ZNF532: variants seen among roughly 807,000 people sequenced by gnomAD.
The protein encoded by ZNF532 is zinc finger protein 532.
In ZNF532, 22 loss-of-function variants were observed where a neutral mutation model predicts 89.3. That is an observed-to-expected ratio of 0.25 (90% CI 0.18 to 0.35). The LOEUF (loss-of-function observed/expected upper bound fraction) is 0.35. Among genes scored for constraint, ZNF532 ranks in the 10% least tolerant of loss-of-function variants. The pLI, the probability that ZNF532 is intolerant of heterozygous loss-of-function variation, is 1.00. For missense variants in ZNF532, 1,132 were observed against 1,643.4 expected (o/e 0.69, Z 5.38); for synonymous variants, 606 against 649.6 (o/e 0.93, Z 1.02).
Position 58,978,822 on chromosome 18 carries a change from C to T in ZNF532, c.3151-233C>T, listed in dbSNP as rs927490049. 3.3e-5 allele frequency among the ~76,000 whole-genome samples: 5 copies of T among 152,106 alleles called. No homozygotes were observed. In the East Asian group the frequency reaches 7.7e-4, roughly 23 times the overall value. Reference sequence around the variant, plus strand: ...TTTCATACATACCTTATATGGATAGCTTGAAGGGACTTTTATAAAATAATT... The same window carrying T: ...TTTCATACATACCTTATATGGATAGTTTGAAGGGACTTTTATAAAATAATT... On this transcript the variant is annotated intron_variant, in intron 7 of 9. Transcript: ENST00000591808.
At chr18:58,920,737 TGTGTG>T (rs1347844804) in intron 3 of ZNF532, 104 bp downstream of exon 3, 143 of 3,000 alleles carry the variant, frequency 0.048, no homozygotes, top group African/African-American at 0.11. Context: ...GAAATGGACG[TGTGTG>T]TGTGTGTGTG....
intron 2 of ZNF532, among the ~76,000 whole-genome samples, chr18:58,891,350 C>T (rs868027395): frequency 5.9e-5 from 9 of 152,070 alleles, no homozygotes; most frequent in Non-Finnish European, 1.0e-4. Flanking sequence ...GCCAACATGG[C>T]GAAACCCTAT....
chr18:58,984,206 G>A lies in ZNF532; in HGVS notation c.3646G>A (p.Val1216Ile), dbSNP rs201616485. The stretch of plus-strand genomic sequence containing the variant: ...GTGTGGCCTCTGCTACACGTCTCAC[G>A]TCTCTCTGTCCAGGCACCTCTTCAT... ...RECGLCYTSH[V>I]SLSRHLFIVH... Residue 1216 changes from valine (V) to isoleucine (I), a missense_variant, in exon 10 of 10, where the codon GTC (valine) becomes ATC (isoleucine). By Grantham distance (29) the Val-to-Ile change is conservative. Transcript: ENST00000591808. The A allele has an allele frequency of 2.5e-5, 40 of 1,611,856 alleles. No homozygotes were observed. Among genetic ancestry groups the A allele is most frequent in the Admixed American group, 1.5e-4 (9 of 59,990 alleles).
intron 7 of ZNF532, among the ~76,000 whole-genome samples, chr18:58,962,250 G>A (rs2147221614): frequency 6.6e-6 from 1 of 152,134 alleles, no homozygotes; most frequent in South Asian, 2.1e-4. Context: ...GGATTCTAGG[G>A]CCAATGTGAC....
intron 4 of ZNF532, among the ~76,000 whole-genome samples, chr18:58,935,201 C>CCCCTCTCCTCCTT: frequency 9.6e-6 from 1 of 104,384 alleles, no homozygotes; most frequent in South Asian, 4.7e-4. Context: ...CTCTCCTCCT[C>CCCCTCTCCTCCTT]CTCCCCTCTC....
In ZNF532 at chr18:58,939,420, G is replaced by A. The variant is rs773857240; in HGVS notation, c.2529-25G>A. The A allele has an allele frequency of 4.4e-6, 7 of 1,600,492 alleles. No individual in the cohort carries two copies. In the South Asian group the frequency reaches 7.9e-5, roughly 18 times the overall value. ...ACGTGTGTTATGGTCTTGTGCTAAT[G>A]ACCGTGTGTTTATTTTTCTAACAGA... is the stretch of plus-strand genomic sequence containing the variant. On this transcript the variant is annotated intron_variant, in intron 4 of 9. Coordinates refer to ENST00000591808, the MANE Select transcript of ZNF532 (RefSeq NM_001375912.1).
chr18:58,933,939 C>T (rs2062161296), intron 3 of ZNF532, among the ~76,000 whole-genome samples: 1 of 152,124 alleles, frequency 6.6e-6, no homozygotes, highest in African/African-American at 2.4e-5. Context: ...ATTGCTGTAG[C>T]CATTCTTTTG....
intron 2 of ZNF532, among the ~76,000 whole-genome samples, chr18:58,900,468 G>T (rs555552702): frequency 2.9e-4 from 44 of 152,202 alleles, no homozygotes; most frequent in African/African-American, 1.1e-3. Context: ...ATGAAGGGTC[G>T]GGGGCTCCCT....
chr18:58,939,092 CA>C (rs1326187748), intron 4 of ZNF532, among the ~76,000 whole-genome samples: 2 of 151,358 alleles, frequency 1.3e-5, no homozygotes, highest in African/African-American at 2.4e-5. Flanking sequence ...ACTAAAAATA[CA>C]AAAAGTAATT....
At chr18:58,900,042 T>C (rs2059502828) in intron 2 of ZNF532, among the ~76,000 whole-genome samples, 1 of 152,210 alleles carries the variant, frequency 6.6e-6, no homozygotes, top group Non-Finnish European at 1.5e-5. Flanking sequence ...ATCTCTGTCC[T>C]CTTTATTTTT....
intron 7 of ZNF532, among the ~76,000 whole-genome samples, chr18:58,963,711 A>G (rs1409950033): frequency 6.7e-6 from 1 of 149,622 alleles, no homozygotes; most frequent in Non-Finnish European, 1.5e-5. Context: ...TAATCCTAAC[A>G]CTTTCAGAGG....
chr18:58,904,627 C>A lies in ZNF532; in HGVS notation c.-17-13644C>A, dbSNP rs527395322. Among the ~76,000 whole-genome samples the A allele has an allele frequency of 2.6e-5, 4 of 152,106 alleles. No homozygotes were observed. The South Asian group carries it at 8.3e-4, about 32-fold the overall frequency. On this transcript the variant is annotated intron_variant, in intron 2 of 9. Coordinates refer to ENST00000591808, the MANE Select transcript of ZNF532 (RefSeq NM_001375912.1). ...CTATAACCAAATTCTTAGGAGGGAC[C>A]TATTGTTTTTTAATAAGCTGTTATT... is the stretch of plus-strand genomic sequence containing the variant.
At chr18:58,924,614 A>G (rs574386663) in intron 3 of ZNF532, among the ~76,000 whole-genome samples, 2 of 152,330 alleles carry the variant, frequency 1.3e-5, no homozygotes, top group South Asian at 4.1e-4. Context: ...TTCATGTAAC[A>G]AATAATACAG....
rs933739187 is a variant in ZNF532 at position 58,888,738 on chromosome 18, A to T, written c.-18+23159A>T. 1.4e-4 allele frequency among the ~76,000 whole-genome samples: 7 copies of T among 51,554 alleles called. 1 individual carries two copies. Among genetic ancestry groups the T allele is most frequent in the African/African-American group, 3.0e-4 (3 of 9,926 alleles). 33.8% of individuals were successfully genotyped at this position (51,554 alleles called of 152,430 possible). A position where few individuals can be genotyped will look rare whatever the true frequency, so the allele number is the denominator to read the frequency against. On this transcript the variant is annotated intron_variant, in intron 2 of 9. Coordinates refer to ENST00000591808, the MANE Select transcript of ZNF532 (RefSeq NM_001375912.1). ...ATATATATATATAAATTATATATATATATTTTATATATATATAAAATTAAT... is the reference window on the plus strand; with the variant it reads ...ATATATATATATAAATTATATATATTTATTTTATATATATATAAAATTAAT...
In ZNF532 at chr18:58,979,047, T is replaced by A; in HGVS notation, c.3151-8T>A. The A allele has an allele frequency of 6.2e-7, 1 of 1,604,652 alleles. No homozygotes were observed. The highest frequency in any genetic ancestry group is 8.5e-7 in the Non-Finnish European group (1 of 1,172,636). ...TTCCCTTAAGTGAACTTTCTCTCCT[T>A]CCTCCAGCAAATGAAGAAACACCCC... On this transcript the variant is annotated splice_polypyrimidine_tract_variant and splice_region_variant and intron_variant, in intron 7 of 9. Transcript: ENST00000591808.
intron 3 of ZNF532, among the ~76,000 whole-genome samples, chr18:58,925,343 A>G (rs753274183): frequency 4.6e-5 from 7 of 152,100 alleles, no homozygotes; most frequent in African/African-American, 2.4e-5. Flanking sequence ...TGTGGTTTCA[A>G]TTCATGTTTC....
At chr18:58,932,898 GTA>G (rs375559499) in intron 3 of ZNF532, among the ~76,000 whole-genome samples, 3 of 151,054 alleles carry the variant, frequency 2.0e-5, no homozygotes, top group African/African-American at 4.8e-5. Context: ...ATGTGTGTGT[GTA>G]TATATATATA....
At chr18:58,983,600 C>T (rs1178320998) in intron 9 of ZNF532, among the ~76,000 whole-genome samples, 1 of 126,684 alleles carries the variant, frequency 7.9e-6, no homozygotes, top group African/African-American at 4.6e-5. Context: ...CACACATATA[C>T]CCCCCCCTTG....
intron 7 of ZNF532, among the ~76,000 whole-genome samples, chr18:58,955,664 C>T (rs913824672): frequency 6.6e-6 from 1 of 152,168 alleles, no homozygotes; most frequent in Non-Finnish European, 1.5e-5. Flanking sequence ...TCACAATATT[C>T]ACAAATTGCA....
Sources: allele counts gnomAD v4.1 joint callset (sites outside exome capture counted in the v4.1 genomes callset), GRCh38; gene constraint gnomAD v4.1.1; transcripts MANE v1.5; gene names NCBI Gene and HGNC (gene_info 2026-07-23, HGNC 2026-07-21).